Variants in FAT3 observed in about 807,000 individuals in gnomAD.
FAT3 encodes FAT atypical cadherin 3, also known as protocadherin Fat 3.
FAT3 carries 95 observed loss-of-function variants against 310.2 expected under a neutral mutation model. The ratio of observed to expected loss-of-function variants is 0.31; its 90% confidence interval spans 0.26 to 0.36. FAT3 has a LOEUF of 0.36. Among genes scored for constraint, FAT3 ranks in the 10% least tolerant of loss-of-function variants. FAT3 has a pLI of 1.00. For missense variants in FAT3, 5,408 were observed against 5,715.6 expected, an observed-to-expected ratio of 0.95 and a Z score of 1.74; for synonymous variants, 2,314 against 2,192.9, an observed-to-expected ratio of 1.06 and a Z score of -1.54.
chr11:92,262,347 T>C lies in FAT3; in HGVS notation c.-18+37173T>C, dbSNP rs140581879. 4.4e-3 allele frequency among the ~76,000 whole-genome samples: 677 copies of C among 152,256 alleles called. 6 individuals are homozygous for C. Among genetic ancestry groups the C allele is most frequent in the African/African-American group, 0.016 (650 of 41,560 alleles). On this transcript the variant is annotated intron_variant, in intron 1 of 27. Coordinates refer to ENST00000525166, the MANE Select transcript of FAT3 (RefSeq NM_001367949.2). The stretch of plus-strand genomic sequence containing the variant: ...TCCAGAAGTTGCTTCAATGGTTCTT[T>C]TGAGGACTGAATAGAAAGAGCAAAT...
At chr11:92,569,353 C>T (rs563450642) in intron 3 of FAT3, among the ~76,000 whole-genome samples, 27 of 152,306 alleles carry the variant, frequency 1.8e-4, no homozygotes, top group African/African-American at 6.3e-4. Flanking sequence ...ATGCTAGCTA[C>T]TGTTGTTAAA....
intron 1 of FAT3, among the ~76,000 whole-genome samples, chr11:92,247,075 G>T (rs944581292): frequency 6.6e-6 from 1 of 152,108 alleles, no homozygotes; most frequent in Non-Finnish European, 1.5e-5. Flanking sequence ...TACTAGAGAG[G>T]TTGGGATGTC....
chr11:92,834,739 A>G, intron 14 of FAT3, 131 bp from the exon 15 acceptor site: 1 of 796,240 alleles, frequency 1.3e-6, no homozygotes, highest in East Asian at 2.7e-5. Context: ...TCAGTAAGGC[A>G]TTAAATAAAC....
At chr11:92,695,839 G>A (rs1278178380) in intron 3 of FAT3, among the ~76,000 whole-genome samples, 1 of 152,098 alleles carries the variant, frequency 6.6e-6, no homozygotes, top group East Asian at 1.9e-4. Flanking sequence ...GGTTATATGA[G>A]GGCAGAGCAG....
At chr11:92,856,638 A>G (rs1948986084) in intron 19 of FAT3, among the ~76,000 whole-genome samples, 1 of 152,212 alleles carries the variant, frequency 6.6e-6, no homozygotes, top group South Asian at 2.1e-4. Flanking sequence ...GGTAGGGCAC[A>G]TTTACAGCTA....
chr11:92,469,990 G>A (rs1234923517), intron 2 of FAT3, among the ~76,000 whole-genome samples: 1 of 152,078 alleles, frequency 6.6e-6, no homozygotes, highest in Non-Finnish European at 1.5e-5. Flanking sequence ...CCAATTCCAA[G>A]TGCAGAAGGA....
intron 1 of FAT3, among the ~76,000 whole-genome samples, chr11:92,253,060 T>C (rs1253524609): frequency 6.6e-6 from 1 of 152,044 alleles, no homozygotes; most frequent in Non-Finnish European, 1.5e-5. Context: ...TTACAATTAT[T>C]GCCACCCCTT....
chr11:92,578,061 C>T (rs960130848), intron 3 of FAT3, among the ~76,000 whole-genome samples: 2 of 152,000 alleles, frequency 1.3e-5, no homozygotes, highest in Admixed American at 1.3e-4. Context: ...ATAGTATGCA[C>T]AGTATGACGG....
chr11:92,623,130 T>G (rs1166615269), intron 3 of FAT3, among the ~76,000 whole-genome samples: 1 of 152,208 alleles, frequency 6.6e-6, no homozygotes, highest in Non-Finnish European at 1.5e-5. Context: ...ATAAACCAAA[T>G]GCAAACACTT....
rs1254106076 is a variant in FAT3, at chr11:92,840,639, T to C, written c.10446T>C (p.Phe3482=). ...DRDSFHNGPP[F]SFSILSGNEE... ...ACTCCTTTCACAATGGGCCTCCCTT[T>C]TCATTCTCTATTTTGTCGGGAAATG... The change falls in exon 18 of 28, where the codon TTT becomes TTC. Residue 3482 remains phenylalanine, a synonymous_variant. Transcript: ENST00000525166. 6.2e-7 allele frequency: 1 copy of C among 1,612,990 alleles called. No homozygotes were observed. Among genetic ancestry groups the C allele is most frequent in the African/African-American group, 1.3e-5 (1 of 74,894 alleles).
At chr11:92,760,225 C>T (rs1293552877) in intron 4 of FAT3, among the ~76,000 whole-genome samples, 1 of 152,194 alleles carries the variant, frequency 6.6e-6, no homozygotes, top group Non-Finnish European at 1.5e-5. Flanking sequence ...AAAGCGAGAA[C>T]TTGTGTGAAA....
intron 13 of FAT3, among the ~76,000 whole-genome samples, chr11:92,812,581 CAA>C (rs1032046502): frequency 8.8e-5 from 8 of 90,472 alleles, no homozygotes; most frequent in Admixed American, 1.2e-4. Flanking sequence ...GACTCCATCT[CAA>C]AAAAAAAAAA....
chr11:92,802,514 T>C (rs1359780554), intron 10 of FAT3, among the ~76,000 whole-genome samples: 2 of 152,140 alleles, frequency 1.3e-5, no homozygotes, highest in East Asian at 3.9e-4. Context: ...AAAGCCAAGA[T>C]AGACAAAGTC....
chr11:92,853,239 G>A (rs1263117801), intron 19 of FAT3, among the ~76,000 whole-genome samples: 1 of 152,228 alleles, frequency 6.6e-6, no homozygotes, highest in Non-Finnish European at 1.5e-5. Flanking sequence ...TGGCAGGGCA[G>A]GCAGCTCCAG....
chr11:92,284,237 T>G lies in FAT3; in HGVS notation c.-18+59063T>G, dbSNP rs566609913. 3.9e-5 allele frequency among the ~76,000 whole-genome samples: 6 copies of G among 152,142 alleles called. 1 individual carries two copies. Among genetic ancestry groups the G allele is most frequent in the African/African-American group, 1.4e-4 (6 of 41,530 alleles). On this transcript the variant is annotated intron_variant, in intron 1 of 27. Transcript: ENST00000525166. ...GGAGGGAAAACATTATGGCAATGGA[T>G]GCAGCATGTCAAAGGTAGGAAAGTG...
intron 3 of FAT3, among the ~76,000 whole-genome samples, chr11:92,696,220 T>G (rs1259959482): frequency 1.3e-5 from 2 of 151,892 alleles, no homozygotes; most frequent in Non-Finnish European, 2.9e-5. Context: ...TCATGGAAAG[T>G]TAGATCATTT....
intron 2 of FAT3, among the ~76,000 whole-genome samples, chr11:92,472,487 AT>A (rs1439737570): frequency 6.6e-6 from 1 of 152,236 alleles, no homozygotes. Context: ...ATAAGGGTAT[AT>A]ACTGAGGCAT....
chr11:92,607,644 A>G (rs1051344246), intron 3 of FAT3, among the ~76,000 whole-genome samples: 3 of 152,314 alleles, frequency 2.0e-5, no homozygotes, highest in Non-Finnish European at 4.4e-5. Flanking sequence ...GTAGTAGGAT[A>G]AACAATTCAA....
chr11:92,648,604 T>G (rs1278666232), intron 3 of FAT3, among the ~76,000 whole-genome samples: 1 of 152,164 alleles, frequency 6.6e-6, no homozygotes, highest in Non-Finnish European at 1.5e-5. Flanking sequence ...ATGCCTTCTG[T>G]CATTCGTTTT....
Sources: allele counts gnomAD v4.1 joint callset (sites outside exome capture counted in the v4.1 genomes callset), GRCh38; gene constraint gnomAD v4.1.1; transcripts MANE v1.5; gene names NCBI Gene and HGNC (gene_info 2026-07-23, HGNC 2026-07-21).